DPAGT1: variants seen among roughly 807,000 people sequenced by gnomAD.
The protein encoded by DPAGT1 is dolichyl-phosphate N-acetylglucosaminephosphotransferase 1, also known as UDP-N-acetylglucosamine--dolichyl-phosphate N-acetylglucosaminephosphotransferase.
A neutral mutation model predicts 39.3 loss-of-function variants in DPAGT1; 25 were observed. The ratio of observed to expected loss-of-function variants is 0.64; its 90% CI spans 0.46 to 0.89. The LOEUF is 0.89. DPAGT1 is among the 40% of genes least tolerant of loss of function. The probability of loss-of-function intolerance (pLI) is 0.00; values close to 1 mark genes in which losing one functional copy is unlikely to be tolerated. For synonymous variants in DPAGT1, 193 were observed against 201.4 expected (o/e 0.96, Z 0.36); for missense variants, 381 against 500.6 (o/e 0.76, Z 2.28).
downstream of DPAGT1, among the ~76,000 whole-genome samples, chr11:119,096,131 T>C (rs1946388818): frequency 2.0e-5 from 3 of 152,082 alleles, no homozygotes; most frequent in African/African-American, 7.2e-5. Flanking sequence ...ACTTGGCTAA[T>C]TATTTTATTT....
rs1045819151 is a variant in DPAGT1, at chr11:119,100,842, A to C, written c.284T>G (p.Phe95Cys). The C allele has an allele frequency of 1.2e-6, 2 of 1,614,208 alleles. No individual in the cohort carries two copies. Among genetic ancestry groups the C allele is most frequent in the Non-Finnish European group, 1.7e-6 (2 of 1,180,034 alleles). ...EQCKAFPHHE[F>C]VALIGALLAI... Reference sequence around the variant, plus strand: ...AAGGAGGGCACCTATCAGGGCCACAAACTGGGGGAGGCTCGGGCAGGTCCA... The same window carrying C: ...AAGGAGGGCACCTATCAGGGCCACACACTGGGGGAGGCTCGGGCAGGTCCA... Residue 95 changes from phenylalanine (F) to cysteine (C), a missense_variant and splice_region_variant, in exon 3 of 9, where the codon TTT becomes TGT. Coordinates refer to ENST00000354202, the MANE Select transcript of DPAGT1 (RefSeq NM_001382.4).
chr11:119,098,446 T>C lies in DPAGT1; in HGVS notation c.685A>G (p.Ile229Val). ...CCCAAAGTGGTGAAAAAAAAGGGTA[T>C]CATGAAGTAGAGGGAAAAGACATGA... ...DDHVFSLYFM[I>V]PFFFTTLGLL... Residue 229 changes from isoleucine (I) to valine (V), a missense_variant, in exon 5 of 9, where the codon ATA (isoleucine) becomes GTA (valine). Physicochemically the swap from Ile to Val is conservative, Grantham distance 29 (BLOSUM62 3). Transcript: ENST00000354202. The C allele has an allele frequency of 1.2e-6, 2 of 1,614,016 alleles. No homozygotes were observed. Among genetic ancestry groups the C allele is most frequent in the Non-Finnish European group, 1.7e-6 (2 of 1,180,010 alleles).
Position 119,097,341 on chromosome 11 carries a change from C to A in DPAGT1, c.1006-44G>T. 1.2e-6 allele frequency: 2 copies of A among 1,613,806 alleles called. No individual in the cohort carries two copies. Among genetic ancestry groups the A allele is most frequent in the Non-Finnish European group, 1.7e-6 (2 of 1,179,736 alleles). ...AAGAGAACCTCAGCTAATACCTATG[C>A]TTTAGGAATGTGGATCTATTTAATG... On this transcript the variant is annotated intron_variant, in intron 7 of 8. Coordinates refer to ENST00000354202, the MANE Select transcript of DPAGT1 (RefSeq NM_001382.4). The surrounding 1 kb of genome is among the most constrained non-coding windows in gnomAD (Gnocchi z 4.6).
chr11:119,095,418 C>A (rs1183469823), downstream of DPAGT1: 2 of 1,495,118 alleles, frequency 1.3e-6, no homozygotes, highest in Non-Finnish European at 1.8e-6. Flanking sequence ...ACCGGTGAAG[C>A]ACGACGGCTC....
chr11:119,100,249 C>G lies in DPAGT1; in HGVS notation c.643+13G>C, dbSNP rs554742102. ...ACTCAGACTTCTCTCTCCCCACCCCCAATCCCACCTACCTTCCAACTCTAC... is the reference window on the plus strand; with the variant it reads ...ACTCAGACTTCTCTCTCCCCACCCCGAATCCCACCTACCTTCCAACTCTAC... On this transcript the variant is annotated intron_variant, in intron 4 of 8. Transcript: ENST00000354202. 1 of 1,614,018 alleles carries G rather than the reference C, an allele frequency of 6.2e-7. No homozygotes were observed. Among genetic ancestry groups the G allele is most frequent in the African/African-American group, 1.3e-5 (1 of 74,914 alleles).
At chr11:119,098,308 G>A (rs1946436010) in intron 5 of DPAGT1, 95 bp downstream of exon 5, 12 of 1,363,324 alleles carry the variant, frequency 8.8e-6, no homozygotes, top group South Asian at 2.3e-5. Flanking sequence ...AGAGGTATGC[G>A]CAGGTTTAGC....
Position 119,098,407 on chromosome 11 carries a change from T to C in DPAGT1, c.724A>G (p.Asn242Asp). 6.2e-7 allele frequency: 1 copy of C among 1,613,868 alleles called. No homozygotes were observed. Among genetic ancestry groups the C allele is most frequent in the Non-Finnish European group, 8.5e-7 (1 of 1,179,790 alleles). ...CTTATCCACAGGCCTACTTACCAGT[T>C]GTGGTAGAGCAATCCCAAAGTGGTG... ...FFTTLGLLYH[N>D]WYPSRVFVGD... Residue 242 changes from asparagine (N) to aspartate (D), a missense_variant, in exon 5 of 9, where the codon AAC becomes GAC. By Grantham distance (23) the Asn-to-Asp change is conservative (BLOSUM62 1). Coordinates refer to ENST00000354202, the MANE Select transcript of DPAGT1 (RefSeq NM_001382.4).
In DPAGT1 at chr11:119,101,632, G is replaced by A; in HGVS notation, c.24C>T (p.Pro8=). Residue 8 remains proline (P), a synonymous_variant, in exon 1 of 9, where the codon CCC becomes CCT. Coordinates refer to ENST00000354202, the MANE Select transcript of DPAGT1 (RefSeq NM_001382.4). ...CGATCAAATTGATCAGCAGCGGCAT[G>A]GGCAATTCCGAGAAGGCCCACATGG... MWAFSEL[P]MPLLINLIVS... 1 of 1,614,284 alleles carries A rather than the reference G, an allele frequency of 6.2e-7. No individual in the cohort carries two copies. Among genetic ancestry groups the A allele is most frequent in the Non-Finnish European group, 8.5e-7 (1 of 1,180,050 alleles).
rs532530714 is a variant in DPAGT1, at chr11:119,099,153, G to A, written c.644-666C>T. 2.2e-4 allele frequency among the ~76,000 whole-genome samples: 33 copies of A among 152,152 alleles called. 1 individual carries two copies. The highest frequency in any genetic ancestry group is 4.4e-4 in the Non-Finnish European group (30 of 68,036). On this transcript the variant is annotated intron_variant, in intron 4 of 8. Transcript: ENST00000354202. The stretch of plus-strand genomic sequence containing the variant: ...GCAGGAGTAATTCATGGCCGGGTGC[G>A]GTGACTCACGCCTGTAATCCCAGCA...
At chr11:119,101,212 G>A (rs2134917021) in intron 1 of DPAGT1, 74 bp from the exon 2 acceptor site, 2 of 1,603,102 alleles carry the variant, frequency 1.2e-6, no homozygotes, top group Non-Finnish European at 1.7e-6. Flanking sequence ...AGGTGTTACA[G>A]TAACCCAAAG....
In DPAGT1 at chr11:119,097,865, G is replaced by A. The variant is rs779134351; in HGVS notation, c.907C>T (p.Arg303Cys). The change falls in exon 6 of 9, where the codon CGC becomes TGC. Residue 303 changes from arginine (R) to cysteine (C), a missense_variant. Coordinates refer to ENST00000354202, the MANE Select transcript of DPAGT1 (RefSeq NM_001382.4). The surrounding 1 kb of genome is among the most constrained non-coding windows in gnomAD (Gnocchi z 4.6). ...CCAAAAAGCGGCTACCTGGGTATGC[G>A]GTGGCGAGGGCAGGGGATGATATGC... ...LLHIIPCPRH[R>C]IPRLNIKTGK... 6 of 1,614,084 alleles carry A rather than the reference G, an allele frequency of 3.7e-6. No individual in the cohort carries two copies. Among genetic ancestry groups the A allele is most frequent in the South Asian group, 2.2e-5 (2 of 91,080 alleles).
intron 5 of DPAGT1, 71 bp downstream of exon 5, chr11:119,098,332 G>C: frequency 1.3e-6 from 2 of 1,513,334 alleles, no homozygotes; most frequent in Non-Finnish European, 1.8e-6. Context: ...ACCACCACAA[G>C]GTGGGTTATG....
chr11:119,100,800 A>G lies in DPAGT1; in HGVS notation c.326T>C (p.Ile109Thr). Residue 109 changes from isoleucine to threonine, a missense_variant, in exon 3 of 9, where the codon ATC (isoleucine) becomes ACC (threonine). Ile to Thr is a moderately conservative substitution (Grantham distance 89, BLOSUM62 -1). Transcript: ENST00000354202. ...TACATCATCCGCAAAGCCCAGGAAG[A>G]TCATGCAGCAGATGGCAAGGAGGGC... ...IGALLAICCM[I>T]FLGFADDVLN... is the part of the protein sequence containing the mutation. 6.2e-7 allele frequency: 1 copy of G among 1,614,222 alleles called. No homozygotes were observed. Among genetic ancestry groups the G allele is most frequent in the East Asian group, 2.2e-5 (1 of 44,880 alleles).
chr11:119,098,470 G>A lies in DPAGT1; in HGVS notation c.661C>T (p.His221Tyr). The change falls in exon 5 of 9, where the codon CAT (histidine) becomes TAT (tyrosine). Residue 221 changes from histidine (H) to tyrosine (Y), a missense_variant. Physicochemically the swap from His to Tyr is moderately conservative, Grantham distance 83 (BLOSUM62 2). Transcript: ENST00000354202. ...VELEGDCRDD[H>Y]VFSLYFMIPF... ...ATCATGAAGTAGAGGGAAAAGACAT[G>A]ATCATCCCGACAATCACCTTTGGAA... 6.2e-7 allele frequency: 1 copy of A among 1,614,146 alleles called. No individual in the cohort carries two copies. Among genetic ancestry groups the A allele is most frequent in the Non-Finnish European group, 8.5e-7 (1 of 1,180,020 alleles).
At chr11:119,100,552 C>T in intron 3 of DPAGT1, 78 bp downstream of exon 3, 1 of 1,600,974 alleles carries the variant, frequency 6.2e-7, no homozygotes, top group Non-Finnish European at 8.6e-7. Flanking sequence ...AAAAGGAACA[C>T]TTGGAGGAGA....
chr11:119,101,416 C>A, intron 1 of DPAGT1, 79 bp downstream of exon 1: 2 of 1,610,426 alleles, frequency 1.2e-6, no homozygotes, highest in Non-Finnish European at 1.7e-6. Context: ...TGTGGTCAAG[C>A]ACCCCGGTTC....
chr11:119,097,271 T>C lies in DPAGT1; in HGVS notation c.1032A>G (p.Thr344=). 6.2e-7 allele frequency: 1 copy of C among 1,614,236 alleles called. No individual in the cohort carries two copies. The highest frequency in any genetic ancestry group is 2.2e-5 in the East Asian group (1 of 44,884). ...LKVAESLQLV[T]VHQSETEDGE... is the part of the protein sequence containing the mutation. The stretch of plus-strand genomic sequence containing the variant: ...CATCTTCAGTCTCACTCTGGTGTAC[T>C]GTCACCAGCTGGAGGCTCTCTGCCA... The change falls in exon 8 of 9, where the codon ACA becomes ACG. Residue 344 remains threonine (T), a synonymous_variant. Coordinates refer to ENST00000354202, the MANE Select transcript of DPAGT1 (RefSeq NM_001382.4). The surrounding 1 kb of genome is among the most constrained non-coding windows in gnomAD (Gnocchi z 4.6).
rs1946403924 is a variant in DPAGT1, at chr11:119,096,930, CAG to C, written c.*66_*67del. On this transcript the variant is annotated 3_prime_UTR_variant, in exon 9 of 9. Coordinates refer to ENST00000354202, the MANE Select transcript of DPAGT1 (RefSeq NM_001382.4). ...CCTGGGCAAGGAGGCAGTCTGGGAC[CAG>C]AGAGAGAGGTCAGCCTGAGTCAGGA... The C allele has an allele frequency of 5.1e-6, 8 of 1,576,560 alleles. No homozygotes were observed. The highest frequency in any genetic ancestry group is 2.7e-5 in the African/African-American group (2 of 74,300).
intron 4 of DPAGT1, 35 bp from the exon 5 acceptor site, chr11:119,098,522 T>C (rs757224166): frequency 1.9e-6 from 3 of 1,603,202 alleles, no homozygotes; most frequent in Non-Finnish European, 2.6e-6. Context: ...GAAAAGTTAA[T>C]ACCCACTTCC....
Sources: gnomAD v4.1 joint callset for allele counts (sites outside exome capture counted in the v4.1 genomes callset) on GRCh38, gnomAD v4.1.1 for gene constraint, Gnocchi (gnomAD v3.1) non-coding constraint, MANE v1.5 for transcripts, NCBI Gene and HGNC (gene_info 2026-07-23, HGNC 2026-07-21) for gene names.